The following ENTPD8 variants were observed in gnomAD, a reference collection of about 807,000 sequenced individuals.
ENTPD8 encodes E-NTPDase 8.
In ENTPD8, 35 loss-of-function variants were observed where a neutral mutation model predicts 47.0. The ratio of observed to expected loss-of-function variants is 0.75; its 90% CI spans 0.57 to 0.99. The LOEUF (loss-of-function observed/expected upper bound fraction) is 0.99, where lower values mean the gene tolerates loss of function less well. Ranked by LOEUF, ENTPD8 falls within the 50% of genes least tolerant of loss-of-function variation. The pLI is 0.00. For synonymous variants in ENTPD8, 308 were observed against 290.5 expected (o/e 1.06, Z -0.61); for missense variants, 668 against 649.9 (o/e 1.03, Z -0.30).
chr9:137,437,360 T>G (rs750173038), intron 3 of ENTPD8, 51 bp from the exon 4 acceptor site: 2 of 1,571,640 alleles, frequency 1.3e-6, no homozygotes, highest in African/African-American at 1.4e-5. Context: ...CTGGCTGGGC[T>G]GAAAGGTAGC....
Position 137,434,552 on chromosome 9 carries a change from C to T in ENTPD8, c.*362G>A, listed in dbSNP as rs1473368564. On this transcript the variant is annotated 3_prime_UTR_variant, in exon 10 of 10. Coordinates refer to ENST00000371506, the MANE Select transcript of ENTPD8 (RefSeq NM_001033113.2). The stretch of plus-strand genomic sequence containing the variant: ...CTCCCTTCCACCCCTCTCCGCCCCT[C>T]CTGAGGCCCCATCAGGAGCAGGACC... 1 of 655,300 alleles carries T rather than the reference C, an allele frequency of 1.5e-6. No homozygotes were observed. The highest frequency in any genetic ancestry group is 2.5e-6 in the Non-Finnish European group (1 of 394,930). 40.6% of individuals were successfully genotyped at this position (655,300 alleles called of 1,614,324 possible). A position where few individuals can be genotyped will look rare whatever the true frequency, so the allele number is the denominator to read the frequency against.
At position 137,437,951 on chromosome 9, in the gene ENTPD8, A is replaced by C; in HGVS notation, c.244+16T>G. 6.3e-7 allele frequency: 1 copy of C among 1,597,108 alleles called. No individual in the cohort carries two copies. The highest frequency in any genetic ancestry group is 8.6e-7 in the Non-Finnish European group (1 of 1,166,874). Reference sequence around the variant, plus strand: ...CAGGCAGGTCCCAGCACCGGGCTGCAGAACAGCCCACTAACCTTCCACCTG... The same window carrying C: ...CAGGCAGGTCCCAGCACCGGGCTGCCGAACAGCCCACTAACCTTCCACCTG... On this transcript the variant is annotated intron_variant, in intron 3 of 9. Coordinates refer to ENST00000371506, the MANE Select transcript of ENTPD8 (RefSeq NM_001033113.2).
intron 7 of ENTPD8, 51 bp downstream of exon 7, chr9:137,435,962 A>C: frequency 1.2e-6 from 2 of 1,605,562 alleles, no homozygotes; most frequent in Non-Finnish European, 1.7e-6. Context: ...CAGGCACCTG[A>C]GGCCTCACAA....
chr9:137,438,176 A>G lies in ENTPD8; in HGVS notation c.110T>C (p.Leu37Pro). The G allele has an allele frequency of 6.2e-7, 1 of 1,609,552 alleles. No individual in the cohort carries two copies. The change falls in exon 2 of 10, where the codon CTG becomes CCG. Residue 37 changes from leucine (L) to proline (P), a missense_variant. Transcript: ENST00000371506. This position sits in a 1 kb window ranked among gnomAD's most constrained non-coding sequence, Gnocchi z 5.7. Reference protein sequence around the residue: ...LLLVEATSVLLPTDIKFGIVF... With the variant: ...LLLVEATSVLPPTDIKFGIVF... ...GGGACGCACCTTGATGTCTGTGGGCAGGAGCACGCTGGTGGCCTCCACCAG... is the reference window on the plus strand; with the variant it reads ...GGGACGCACCTTGATGTCTGTGGGCGGGAGCACGCTGGTGGCCTCCACCAG...
At chr9:137,435,938 C>T in intron 7 of ENTPD8, 75 bp downstream of exon 7, 4 of 1,602,420 alleles carry the variant, frequency 2.5e-6, no homozygotes, top group Non-Finnish European at 3.4e-6. Flanking sequence ...CCTCCTGGGC[C>T]TGCTGGAGTC....
chr9:137,436,851 T>C lies in ENTPD8; in HGVS notation c.555+18A>G. 6.2e-7 allele frequency: 1 copy of C among 1,610,320 alleles called. No homozygotes were observed. Among genetic ancestry groups the C allele is most frequent in the Non-Finnish European group, 8.5e-7 (1 of 1,178,418 alleles). ...GCCCCTCGCAGACCAGCCCCCGCCC[T>C]CAGGCAGCCTGTGGCACCTTGACCA... is the stretch of plus-strand genomic sequence containing the variant. On this transcript the variant is annotated intron_variant, in intron 5 of 9. Transcript: ENST00000371506.
chr9:137,434,993 G>C lies in ENTPD8; in HGVS notation c.1409C>G (p.Ala470Gly), dbSNP rs1395763202. The change falls in exon 10 of 10, where the codon GCC (alanine) becomes GGC (glycine). Residue 470 changes from alanine to glycine, a missense_variant. Physicochemically the swap from Ala to Gly is moderately conservative, Grantham distance 60 (BLOSUM62 0). Transcript: ENST00000371506. The stretch of plus-strand genomic sequence containing the variant: ...GGCCAGCACCATGAACACCACTTTG[G>C]CCACCCAGACGCCGTAGCTCTCTGC... ...WRAESYGVWV[A>G]KVVFMVLALV... 2 of 1,612,600 alleles carry C rather than the reference G, an allele frequency of 1.2e-6. No homozygotes were observed. The highest frequency in any genetic ancestry group is 2.7e-5 in the African/African-American group (2 of 74,924).
intron 8 of ENTPD8, 91 bp from the exon 9 acceptor site, chr9:137,435,429 G>A (rs546587842): frequency 1.7e-5 from 26 of 1,512,786 alleles, no homozygotes; most frequent in East Asian, 9.2e-5. Flanking sequence ...ACCTGAGCAC[G>A]CAGACAACAA....
intron 8 of ENTPD8, 124 bp downstream of exon 8, chr9:137,435,595 C>A (rs1022230219): frequency 3.6e-6 from 4 of 1,103,184 alleles, no homozygotes; most frequent in Admixed American, 4.4e-5. Context: ...GAGCTGTCCT[C>A]TGCCCTTGCC....
In ENTPD8 at chr9:137,436,529, G is replaced by C. The variant is rs1554749030; in HGVS notation, c.778C>G (p.Leu260Val). The C allele has an allele frequency of 2.1e-5, 33 of 1,607,266 alleles. No individual in the cohort carries two copies. In the South Asian group the frequency reaches 3.5e-4, roughly 17 times the overall value. The change falls in exon 6 of 10, where the codon CTG becomes GTG. Residue 260 changes from leucine (L) to valine (V), a missense_variant. By Grantham distance (32) the Leu-to-Val change is conservative. Coordinates refer to ENST00000371506, the MANE Select transcript of ENTPD8 (RefSeq NM_001033113.2). ...CCCCAGGGCCAGCTGACCTGTACCA[G>C]CCCCACGAGGAGCCTGCTCAGCATC... ...DQMLSRLLVG[L>V]VQSRPAALLR...
intron 9 of ENTPD8, 30 bp from the exon 10 acceptor site, chr9:137,435,135 G>T: frequency 6.2e-7 from 1 of 1,602,668 alleles, no homozygotes; most frequent in Non-Finnish European, 8.5e-7. Context: ...TCAGGGCTGC[G>T]GGGCAGCTAC....
At chr9:137,435,434 CA>C (rs1839316942) in intron 8 of ENTPD8, 96 bp from the exon 9 acceptor site, 1 of 1,505,310 alleles carries the variant, frequency 6.6e-7, no homozygotes, top group African/African-American at 1.4e-5. Context: ...AGCACGCAGA[CA>C]ACAAGAGGGT....
Position 137,436,924 on chromosome 9 carries a change from G to T in ENTPD8, c.500C>A (p.Ala167Asp). ...AGTGATCCAACCAAAGGCACCTTCG[G>T]CCTGCCCGGCCAGGAGCTCGGCACC... ...FWGAELLAGQ[A>D]EGAFGWITVN... The change falls in exon 5 of 10, where the codon GCC (alanine) becomes GAC (aspartate). Residue 167 changes from alanine (A) to aspartate (D), a missense_variant. Coordinates refer to ENST00000371506, the MANE Select transcript of ENTPD8 (RefSeq NM_001033113.2). 1 of 1,613,054 alleles carries T rather than the reference G, an allele frequency of 6.2e-7. No individual in the cohort carries two copies. The highest frequency in any genetic ancestry group is 8.5e-7 in the Non-Finnish European group (1 of 1,179,964).
At chr9:137,435,625 G>T (rs948516115) in intron 8 of ENTPD8, 94 bp downstream of exon 8, 2 of 1,296,018 alleles carry the variant, frequency 1.5e-6, no homozygotes, top group African/African-American at 1.5e-5. Context: ...CCTGCTGGCC[G>T]TGCTGCCCAG....
chr9:137,435,675 C>T (rs1203076294), intron 8 of ENTPD8, 44 bp downstream of exon 8: 3 of 1,560,580 alleles, frequency 1.9e-6, no homozygotes, highest in East Asian at 2.2e-5. Flanking sequence ...GCCCTGTACC[C>T]TCAGGGACCC....
At chr9:137,437,791 C>A (rs983812793) in intron 3 of ENTPD8, among the ~76,000 whole-genome samples, 176 bp downstream of exon 3, 1 of 152,212 alleles carries the variant, frequency 6.6e-6, no homozygotes, top group African/African-American at 2.4e-5. Context: ...CAGGATCAGG[C>A]AGGGAGGTCC....
intron 4 of ENTPD8, 48 bp from the exon 5 acceptor site, chr9:137,437,076 G>A (rs751299947): frequency 5.6e-5 from 90 of 1,602,092 alleles, no homozygotes; most frequent in East Asian, 2.7e-4. Flanking sequence ...GCCTGGGCCC[G>A]GCCCCACCCT....
At chr9:137,435,889 C>G (rs1355672638) in intron 7 of ENTPD8, 60 bp from the exon 8 acceptor site, 1 of 1,606,336 alleles carries the variant, frequency 6.2e-7, no homozygotes, top group African/African-American at 1.3e-5. Flanking sequence ...AGATCCACCC[C>G]ACCCGGGCTC....
chr9:137,439,380 A>C (rs1180067186), intron 1 of ENTPD8, among the ~76,000 whole-genome samples: 1 of 152,108 alleles, frequency 6.6e-6, no homozygotes, highest in African/African-American at 2.4e-5. Context: ...GGAGTGGTCA[A>C]AGCCAGAGGC....
Sources: gnomAD v4.1 joint callset for allele counts (sites outside exome capture counted in the v4.1 genomes callset) on GRCh38, gnomAD v4.1.1 for gene constraint, Gnocchi (gnomAD v3.1) non-coding constraint, MANE v1.5 for transcripts, NCBI Gene and HGNC (gene_info 2026-07-23, HGNC 2026-07-21) for gene names.